The following ORC3 variants were observed in gnomAD, a reference collection of about 807,000 sequenced individuals.
The protein encoded by ORC3 is origin recognition complex subunit 3, also known as homolog of latheo, Drosophila.
In ORC3, 78 loss-of-function variants were observed where a neutral mutation model predicts 100.7. The ratio of observed to expected loss-of-function variants is 0.77; its 90% CI spans 0.65 to 0.94. The LOEUF is 0.94. Ranked by LOEUF, ORC3 falls within the 40% of genes least tolerant of loss-of-function variation. ORC3 has a pLI of 0.00. For synonymous variants in ORC3, 295 were observed against 289.3 expected, an observed-to-expected ratio of 1.02 and a Z score of -0.20; for missense variants, 789 against 823.9, an observed-to-expected ratio of 0.96 and a Z score of 0.52.
At chr6:87,634,085 ATCC>A (rs1562356395) in intron 11 of ORC3, among the ~76,000 whole-genome samples, 1 of 152,154 alleles carries the variant, frequency 6.6e-6, no homozygotes, top group African/African-American at 2.4e-5. Context: ...AGCTCAAGCT[ATCC>A]TCCTGCCTCA....
chr6:87,610,729 A>T lies in ORC3; in HGVS notation c.714-1360A>T, dbSNP rs538401813. On this transcript the variant is annotated intron_variant, in intron 7 of 19. Coordinates refer to ENST00000392844, the MANE Select transcript of ORC3 (RefSeq NM_012381.4). ...CCACCGCGCCTGGCTAATTTTTTGTATTTTTAGTAGAGACGGGGTTTCACC... is the reference window on the plus strand; with the variant it reads ...CCACCGCGCCTGGCTAATTTTTTGTTTTTTTAGTAGAGACGGGGTTTCACC... Among the ~76,000 whole-genome samples the T allele has an allele frequency of 1.1e-4, 15 of 142,426 alleles. 1 individual carries two copies. The South Asian group carries it at 3.1e-3, about 29-fold the overall frequency. 93.4% of individuals were successfully genotyped at this position (142,426 alleles called of 152,430 possible). A position where few individuals can be genotyped will look rare whatever the true frequency, so the allele number is the denominator to read the frequency against.
At chr6:87,624,793 A>G (rs1224363184) in intron 11 of ORC3, among the ~76,000 whole-genome samples, 7 of 152,088 alleles carry the variant, frequency 4.6e-5, no homozygotes, top group Admixed American at 1.3e-4. Flanking sequence ...TGCTGCACCC[A>G]TCAACTCGTC....
chr6:87,662,919 C>A, intron 16 of ORC3, 84 bp from the exon 17 acceptor site: 1 of 868,178 alleles, frequency 1.2e-6, no homozygotes, highest in Non-Finnish European at 1.6e-6. Flanking sequence ...TCCAACAGAG[C>A]TTAAAGGAAA....
chr6:87,609,763 G>A (rs1778613662), intron 7 of ORC3, among the ~76,000 whole-genome samples: 1 of 151,932 alleles, frequency 6.6e-6, no homozygotes, highest in Non-Finnish European at 1.5e-5. Flanking sequence ...TGTTGGCCAG[G>A]CTGTTCTCGA....
chr6:87,599,795 G>A (rs1777756552), intron 2 of ORC3, among the ~76,000 whole-genome samples: 1 of 150,076 alleles, frequency 6.7e-6, no homozygotes, highest in Admixed American at 6.7e-5. Context: ...GGCCAATGTG[G>A]TGAAACCCCG....
At chr6:87,649,985 A>T (rs1490886337) in intron 13 of ORC3, among the ~76,000 whole-genome samples, 2 of 151,562 alleles carry the variant, frequency 1.3e-5, no homozygotes, top group African/African-American at 4.9e-5. Context: ...GTTTAATATA[A>T]GATATTGATT....
intron 14 of ORC3, among the ~76,000 whole-genome samples, chr6:87,655,185 T>C (rs1381711368): frequency 6.6e-6 from 1 of 152,078 alleles, no homozygotes; most frequent in African/African-American, 2.4e-5. Context: ...GGACAGAGTG[T>C]CATATCAGAT....
the ORC3 span, among the ~76,000 whole-genome samples, chr6:87,676,759 G>T: frequency 6.8e-6 from 1 of 147,992 alleles, no homozygotes; most frequent in Non-Finnish European, 1.5e-5. Flanking sequence ...CGGCCTGGGC[G>T]ACAGAGTGAG....
the ORC3 span, among the ~76,000 whole-genome samples, chr6:87,673,310 C>G: frequency 6.6e-6 from 1 of 151,822 alleles, no homozygotes; most frequent in Non-Finnish European, 1.5e-5. Flanking sequence ...ACAGGCTATC[C>G]TGCTAACCAG....
At chr6:87,667,976 C>G (rs1177773863), downstream of ORC3, among the ~76,000 whole-genome samples, 1 of 152,060 alleles carries the variant, frequency 6.6e-6, no homozygotes, top group Non-Finnish European at 1.5e-5. Context: ...AGTAAATATT[C>G]TACTTCGGGA....
intron 13 of ORC3, 79 bp from the exon 14 acceptor site, chr6:87,653,037 A>T: frequency 3.7e-6 from 4 of 1,095,868 alleles, no homozygotes; most frequent in Non-Finnish European, 5.1e-6. Flanking sequence ...GAAACATTTA[A>T]TATGTATATT....
the ORC3 span, among the ~76,000 whole-genome samples, chr6:87,673,154 ATTTTTTTTT>A: frequency 1.5e-5 from 1 of 65,880 alleles, no homozygotes; most frequent in Non-Finnish European, 2.7e-5. Context: ...AAAAAAAAAA[ATTTTTTTTT>A]TTTTTTTTTT....
At chr6:87,613,517 C>T (rs963964420) in intron 8 of ORC3, among the ~76,000 whole-genome samples, 9 of 152,148 alleles carry the variant, frequency 5.9e-5, no homozygotes, top group African/African-American at 1.9e-4. Flanking sequence ...AAAGTCCTAA[C>T]TCATTTCAGC....
intron 13 of ORC3, among the ~76,000 whole-genome samples, chr6:87,651,700 G>T (rs1769284299): frequency 1.3e-5 from 2 of 151,884 alleles, no homozygotes; most frequent in South Asian, 2.1e-4. Context: ...TTGTTGTTGG[G>T]GTTTAAATTT....
chr6:87,645,667 T>C (rs1399399913), intron 13 of ORC3, among the ~76,000 whole-genome samples: 1 of 152,218 alleles, frequency 6.6e-6, no homozygotes, highest in Non-Finnish European at 1.5e-5. Flanking sequence ...TCATTAGCCA[T>C]GGATTGGCCA....
chr6:87,630,550 C>T (rs1374001231), intron 11 of ORC3, among the ~76,000 whole-genome samples: 1 of 152,178 alleles, frequency 6.6e-6, no homozygotes, highest in African/African-American at 2.4e-5. Flanking sequence ...ACAGCCAAAA[C>T]TTCTACCGTT....
At chr6:87,672,665 A>G in the ORC3 span, among the ~76,000 whole-genome samples, 4 of 152,310 alleles carry the variant, frequency 2.6e-5, no homozygotes, top group African/African-American at 9.6e-5. Context: ...ACAGATTCCA[A>G]AAGTTCTCCC....
intron 4 of ORC3, 22 bp downstream of exon 4, chr6:87,603,550 C>A: frequency 1.4e-6 from 2 of 1,418,892 alleles, no homozygotes; most frequent in South Asian, 3.4e-5. Context: ...TATGTTTGTT[C>A]ATGCATGCAT....
At chr6:87,608,940 T>C (rs1350021173) in intron 6 of ORC3, among the ~76,000 whole-genome samples, 156 bp from the exon 7 acceptor site, 1 of 152,194 alleles carries the variant, frequency 6.6e-6, no homozygotes, top group Admixed American at 6.5e-5. Flanking sequence ...CACAGCAAGA[T>C]TCTAGTAACC....
Sources: gnomAD v4.1 joint callset for allele counts (sites outside exome capture counted in the v4.1 genomes callset) on GRCh38, gnomAD v4.1.1 for gene constraint, MANE v1.5 for transcripts, NCBI Gene and HGNC (gene_info 2026-07-23, HGNC 2026-07-21) for gene names.